LHFPL3: variants seen among roughly 807,000 people sequenced by gnomAD.
LHFPL3 encodes the protein LHFPL tetraspan subfamily member 3, also known as LHFPL tetraspan subfamily member 3 protein.
Under a neutral mutation model 19.3 loss-of-function variants are expected in LHFPL3, and 5 were observed. That is an observed-to-expected ratio of 0.26 (90% confidence interval 0.14 to 0.54). LHFPL3 has a LOEUF of 0.54. Among genes scored for constraint, LHFPL3 ranks in the 20% least tolerant of loss-of-function variants. The pLI, the probability that LHFPL3 is intolerant of heterozygous loss-of-function variation, is 0.94. For missense variants in LHFPL3, 249 were observed against 307.4 expected, an observed-to-expected ratio of 0.81 and a Z score of 1.42; for synonymous variants, 133 against 126.2, an observed-to-expected ratio of 1.05 and a Z score of -0.36.
intron 2 of LHFPL3, among the ~76,000 whole-genome samples, chr7:104,741,577 C>G (rs1163474373): frequency 6.6e-6 from 1 of 151,214 alleles, no homozygotes; most frequent in Non-Finnish European, 1.5e-5. Context: ...ACTCTGTTGC[C>G]CAGGCCAGAG....
intron 1 of LHFPL3, among the ~76,000 whole-genome samples, chr7:104,641,418 G>A (rs886383503): frequency 6.6e-6 from 1 of 152,290 alleles, no homozygotes; most frequent in East Asian, 1.9e-4. Context: ...ATACACAAAT[G>A]AGCTAATTTT....
At chr7:104,681,530 G>A (rs921682569) in intron 1 of LHFPL3, among the ~76,000 whole-genome samples, 2 of 151,958 alleles carry the variant, frequency 1.3e-5, no homozygotes, top group Non-Finnish European at 2.9e-5. Context: ...GCTGAGGCAG[G>A]AGAATCACTT....
chr7:104,645,654 CTTTTTTTT>C (rs869151153), intron 1 of LHFPL3, among the ~76,000 whole-genome samples: 6 of 81,628 alleles, frequency 7.4e-5, no homozygotes, highest in East Asian at 8.0e-4. Context: ...ATTGGGTTTT[CTTTTTTTT>C]TTTTTTTTTT....
chr7:104,729,594 G>A (rs2116275003), intron 1 of LHFPL3, among the ~76,000 whole-genome samples: 1 of 152,096 alleles, frequency 6.6e-6, no homozygotes, highest in Non-Finnish European at 1.5e-5. Context: ...CTCCTTTAAA[G>A]TCTACGTATA....
intron 1 of LHFPL3, among the ~76,000 whole-genome samples, chr7:104,343,728 C>CAT (rs35564388): frequency 1.3e-5 from 2 of 148,752 alleles, no homozygotes; most frequent in Non-Finnish European, 3.0e-5. Context: ...GTATGGCTTG[C>CAT]GTGTGTGTGT....
chr7:104,709,566 C>T (rs1294079476), intron 1 of LHFPL3, among the ~76,000 whole-genome samples: 1 of 150,626 alleles, frequency 6.6e-6, no homozygotes, highest in African/African-American at 2.4e-5. Flanking sequence ...TATAGATTAA[C>T]AGCATCCCAA....
rs373106301 is a variant in LHFPL3 at position 104,412,291 on chromosome 7, T to C, written c.445+83067T>C. Among the ~76,000 whole-genome samples, 88 of 152,194 alleles carry C rather than the reference T, an allele frequency of 5.8e-4. 1 individual carries two copies. Among genetic ancestry groups the C allele is most frequent in the African/African-American group, 2.1e-3 (86 of 41,512 alleles). On this transcript the variant is annotated intron_variant, in intron 1 of 2. Coordinates refer to ENST00000424859, the MANE Select transcript of LHFPL3 (RefSeq NM_199000.3). ...GGAGGCTGAGGTGAAGACAGATTGA[T>C]GAATCTGCCCATAGTCTTGCAGCCC...
intron 1 of LHFPL3, among the ~76,000 whole-genome samples, chr7:104,340,684 T>C (rs1298274301): frequency 6.6e-6 from 1 of 152,190 alleles, no homozygotes; most frequent in East Asian, 1.9e-4. Context: ...TTTGCGAGTA[T>C]TTTTAGTAAA....
intron 1 of LHFPL3, among the ~76,000 whole-genome samples, chr7:104,461,049 A>T (rs1792652453): frequency 2.0e-5 from 3 of 152,202 alleles, no homozygotes; most frequent in Non-Finnish European, 4.4e-5. Context: ...TGGGTAATTT[A>T]TAAAGAAAGA....
intron 2 of LHFPL3, among the ~76,000 whole-genome samples, chr7:104,801,366 A>G (rs1001456501): frequency 3.3e-5 from 5 of 152,118 alleles, no homozygotes; most frequent in African/African-American, 4.8e-5. Flanking sequence ...GATGACAGAT[A>G]AGCTTTGCTC....
chr7:104,658,773 G>C (rs1049496443), intron 1 of LHFPL3, among the ~76,000 whole-genome samples: 1 of 152,180 alleles, frequency 6.6e-6, no homozygotes. Flanking sequence ...CTGGCCGACA[G>C]AGCGAGACTT....
intron 1 of LHFPL3, among the ~76,000 whole-genome samples, chr7:104,456,080 G>A (rs889991765): frequency 6.6e-6 from 1 of 151,890 alleles, no homozygotes; most frequent in African/African-American, 2.4e-5. Context: ...TGACTGTTTC[G>A]GCTCTACATA....
At chr7:104,450,919 C>T (rs1044046619) in intron 1 of LHFPL3, among the ~76,000 whole-genome samples, 8 of 152,180 alleles carry the variant, frequency 5.3e-5, no homozygotes, top group Admixed American at 2.6e-4. Context: ...TTCGCTGTCT[C>T]TGAAAAGCCT....
intron 1 of LHFPL3, among the ~76,000 whole-genome samples, chr7:104,430,388 A>ATACATG (rs1554393128): frequency 1.6e-4 from 8 of 50,054 alleles, no homozygotes; most frequent in Admixed American, 2.6e-4. Flanking sequence ...ATATACATAT[A>ATACATG]TATATATATA....
chr7:104,762,655 A>G (rs1013621177), intron 2 of LHFPL3, among the ~76,000 whole-genome samples: 52 of 152,198 alleles, frequency 3.4e-4, no homozygotes, highest in African/African-American at 1.1e-3. Flanking sequence ...CTAATATTCA[A>G]TATGCCTGAT....
At chr7:104,861,468 A>G (rs1379064140) in intron 2 of LHFPL3, among the ~76,000 whole-genome samples, 3 of 152,180 alleles carry the variant, frequency 2.0e-5, no homozygotes, top group Non-Finnish European at 4.4e-5. Flanking sequence ...TAGTTGGGAG[A>G]AGCAGCTATT....
At chr7:104,393,172 A>C (rs921378939) in intron 1 of LHFPL3, among the ~76,000 whole-genome samples, 4 of 152,138 alleles carry the variant, frequency 2.6e-5, no homozygotes, top group African/African-American at 9.7e-5. Context: ...ATAATAAATA[A>C]TGTTGAGGTT....
intron 2 of LHFPL3, chr7:104,894,975 A>C (rs1030811919): frequency 2.0e-4 from 31 of 152,112 alleles, no homozygotes; most frequent in Non-Finnish European, 8.8e-5. Context: ...CTCAATACTG[A>C]TTCTGTAGTT....
rs537148026 is a variant in LHFPL3, at chr7:104,907,823, G to A, written c.*1608G>A. ...TATTTTAGCCAAATGTTTCTGGTAC[G>A]GGCCATCTTTTCACCATAAATGGCA... On this transcript the variant is annotated 3_prime_UTR_variant, in exon 3 of 3. Coordinates refer to ENST00000424859, the MANE Select transcript of LHFPL3 (RefSeq NM_199000.3). 1.3e-5 allele frequency among the ~76,000 whole-genome samples: 2 copies of A among 152,016 alleles called. No individual in the cohort carries two copies. Among genetic ancestry groups the A allele is most frequent in the African/African-American group, 2.4e-5 (1 of 41,366 alleles).
Sources: allele counts gnomAD v4.1 joint callset (sites outside exome capture counted in the v4.1 genomes callset), GRCh38; gene constraint gnomAD v4.1.1; transcripts MANE v1.5; gene names NCBI Gene and HGNC (gene_info 2026-07-23, HGNC 2026-07-21).